Variants in ZBTB7A observed in about 807,000 individuals in gnomAD.
ZBTB7A encodes zinc finger and BTB domain-containing protein 7A.
ZBTB7A carries 7 observed loss-of-function variants against 26.7 expected under a neutral mutation model. The observed-to-expected ratio is 0.26, with a 90% CI of 0.15 to 0.49. The LOEUF (loss-of-function observed/expected upper bound fraction) is 0.49. ZBTB7A is among the 20% of genes least tolerant of loss of function. The pLI is 0.98. For synonymous variants in ZBTB7A, 452 were observed against 441.0 expected, an observed-to-expected ratio of 1.02 and a Z score of -0.31; for missense variants, 617 against 919.5, an observed-to-expected ratio of 0.67 and a Z score of 4.25.
At chr19:4,062,143 TTC>T (rs2040643991) in intron 1 of ZBTB7A, 1 of 152,244 alleles carries the variant, frequency 6.6e-6, no homozygotes, top group Non-Finnish European at 1.5e-5. Context: ...GGCCAGATCC[TTC>T]TCTCAGGCAT....
Position 4,048,124 on chromosome 19 carries a change from C to G in ZBTB7A, c.1383G>C (p.Thr461=). ...YDLKNHMRVH[T]GLRPYQCDSC... ...TGTCGCACTGGTAGGGGCGCAGGCC[C>G]GTGTGCACGCGCATGTGGTTCTTCA... The change falls in exon 3 of 3, where the codon ACG becomes ACC. Residue 461 remains threonine, a synonymous_variant. Transcript: ENST00000322357. This position sits in a 1 kb window ranked among gnomAD's most constrained non-coding sequence, Gnocchi z 6.7. 1.2e-6 allele frequency: 2 copies of G among 1,610,148 alleles called. No individual in the cohort carries two copies. Among genetic ancestry groups the G allele is most frequent in the Middle Eastern group, 1.7e-4 (1 of 6,060 alleles).
chr19:4,054,943 A>T lies in ZBTB7A; in HGVS notation c.290T>A (p.Leu97His). ...ALMDFAYTAT[L>H]TVSTANVGDI... ...ACCCACGTTGGCTGTGCTGACGGTGAGCGTGGCCGTGTAGGCGAAGTCCAT... is the reference window on the plus strand; with the variant it reads ...ACCCACGTTGGCTGTGCTGACGGTGTGCGTGGCCGTGTAGGCGAAGTCCAT... Residue 97 changes from leucine to histidine, a missense_variant, in exon 2 of 3, where the codon CTC (leucine) becomes CAC (histidine). By Grantham distance (99) the Leu-to-His change is moderately conservative (BLOSUM62 -3). Around this residue, in one of 5 missense-constraint regions of ZBTB7A, gnomAD observed 82 missense variants for 195.2 expected, o/e 0.42. Transcript: ENST00000322357. 1 of 1,611,762 alleles carries T rather than the reference A, an allele frequency of 6.2e-7. No homozygotes were observed.
chr19:4,063,787 C>A (rs541296127), intron 1 of ZBTB7A, among the ~76,000 whole-genome samples: 1 of 152,176 alleles, frequency 6.6e-6, no homozygotes, highest in African/African-American at 2.4e-5. Flanking sequence ...TCTGACCCCA[C>A]CTGAGTGACC....
chr19:4,058,633 A>G (rs1203371074), intron 1 of ZBTB7A, among the ~76,000 whole-genome samples: 14 of 137,986 alleles, frequency 1.0e-4, no homozygotes, highest in Non-Finnish European at 2.2e-4. Context: ...GCCCCTGGGG[A>G]GAGGGCCTGA....
intron 1 of ZBTB7A, chr19:4,061,471 G>C (rs2040637162): frequency 6.6e-6 from 1 of 152,228 alleles, no homozygotes; most frequent in South Asian, 2.1e-4. Context: ...TCCTCGGCCT[G>C]GGTTTAATGG....
chr19:4,047,701 C>T lies in ZBTB7A; in HGVS notation c.*51G>A, dbSNP rs982660097. ...GGGGGGGTGGTGGGTGATTTTTTTT[C>T]TCTCTCTCTGTCTCTCTCTTTCTCG... On this transcript the variant is annotated 3_prime_UTR_variant, in exon 3 of 3. Transcript: ENST00000322357. 2.2e-4 allele frequency: 330 copies of T among 1,477,258 alleles called. No homozygotes were observed. The highest frequency in any genetic ancestry group is 8.8e-4 in the Admixed American group (35 of 39,730). The allele number at this position is 1,477,258 out of a possible 1,614,324, so 91.5% of individuals were successfully genotyped here. A position where few individuals can be genotyped will look rare whatever the true frequency, so the allele number is the denominator to read the frequency against.
Position 4,045,941 on chromosome 19 carries a change from G to A in ZBTB7A, c.*1811C>T. The stretch of plus-strand genomic sequence containing the variant: ...CGGTGGTTCTAAGGCCCTGGAGGTG[G>A]GGGGCCCCTGTCACCCACCTCAGCA... On this transcript the variant is annotated 3_prime_UTR_variant, in exon 3 of 3. Transcript: ENST00000322357. This position sits in a 1 kb window ranked among gnomAD's most constrained non-coding sequence, Gnocchi z 4.1. The A allele has an allele frequency of 2.5e-6, 1 of 398,738 alleles. No individual in the cohort carries two copies. The highest frequency in any genetic ancestry group is 4.4e-6 in the Non-Finnish European group (1 of 226,054). 24.7% of individuals were successfully genotyped at this position (398,738 alleles called of 1,614,324 possible).
Position 4,045,221 on chromosome 19 carries a change from T to C in ZBTB7A, c.*2531A>G, listed in dbSNP as rs2040399911. 1 of 152,078 alleles carries C rather than the reference T, an allele frequency of 6.6e-6. No homozygotes were observed. The highest frequency in any genetic ancestry group is 1.5e-5 in the Non-Finnish European group (1 of 68,026). 9.4% of individuals were successfully genotyped at this position (152,078 alleles called of 1,614,324 possible). A position where few individuals can be genotyped will look rare whatever the true frequency, so the allele number is the denominator to read the frequency against. Reference sequence around the variant, plus strand: ...CCACTGGCTAGGACGACAGCTGTGATTTTAGAGTTGGTTTTATTGCGAGGG... The same window carrying C: ...CCACTGGCTAGGACGACAGCTGTGACTTTAGAGTTGGTTTTATTGCGAGGG... On this transcript the variant is annotated 3_prime_UTR_variant, in exon 3 of 3. Coordinates refer to ENST00000322357, the MANE Select transcript of ZBTB7A (RefSeq NM_015898.4). The surrounding 1 kb of genome is among the most constrained non-coding windows in gnomAD (Gnocchi z 4.1).
At chr19:4,055,684 G>A (rs531924678) in intron 1 of ZBTB7A, among the ~76,000 whole-genome samples, 3 of 152,272 alleles carry the variant, frequency 2.0e-5, no homozygotes, top group East Asian at 1.9e-4. Flanking sequence ...TTAGCCGGGC[G>A]TGTTGGCGGG....
In ZBTB7A at chr19:4,054,207, C is replaced by T. The variant is rs1204463349; in HGVS notation, c.1026G>A (p.Arg342=). 1.3e-6 allele frequency: 2 copies of T among 1,588,780 alleles called. No individual in the cohort carries two copies. Among genetic ancestry groups the T allele is most frequent in the African/African-American group, 1.3e-5 (1 of 74,734 alleles). ...AGTCCATGACGCCCTTGTCGTCGGC[C>T]CGCGACTCCTCGTCGCTGTCCCCCG... is the stretch of plus-strand genomic sequence containing the variant. ...AAAGDSDEES[R]ADDKGVMDYY... The change falls in exon 2 of 3, where the codon CGG becomes CGA. Residue 342 remains arginine (R), a synonymous_variant. Coordinates refer to ENST00000322357, the MANE Select transcript of ZBTB7A (RefSeq NM_015898.4).
Position 4,043,849 on chromosome 19 carries a change from C to T in ZBTB7A, c.*3903G>A, listed in dbSNP as rs1046137529. Among the ~76,000 whole-genome samples, 6 of 144,428 alleles carry T rather than the reference C, an allele frequency of 4.2e-5. No individual in the cohort carries two copies. Among genetic ancestry groups the T allele is most frequent in the Non-Finnish European group, 7.8e-5 (5 of 64,146 alleles). 94.8% of individuals were successfully genotyped at this position (144,428 alleles called of 152,430 possible). ...TCCTGCGCCAGCCACCCACCACCCC[C>T]CCCCCCCCACCTCCAGGAAGGCTGC... On this transcript the variant is annotated 3_prime_UTR_variant, in exon 3 of 3. Transcript: ENST00000322357.
rs1297222227 is a variant in ZBTB7A, at chr19:4,043,468, T to A, written c.*4284A>T. On this transcript the variant is annotated 3_prime_UTR_variant, in exon 3 of 3. Coordinates refer to ENST00000322357, the MANE Select transcript of ZBTB7A (RefSeq NM_015898.4). Reference sequence around the variant, plus strand: ...CATTTTTATCAGTTTTTTTTTTTTTTAAATCTCCCACACTTTATAAAGACT... The same window carrying A: ...CATTTTTATCAGTTTTTTTTTTTTTAAAATCTCCCACACTTTATAAAGACT... Among the ~76,000 whole-genome samples, 4 of 151,384 alleles carry A rather than the reference T, an allele frequency of 2.6e-5. No individual in the cohort carries two copies. Among genetic ancestry groups the A allele is most frequent in the South Asian group, 2.1e-4 (1 of 4,790 alleles).
rs2040390288 is a variant in ZBTB7A at position 4,044,621 on chromosome 19, TCCA to T, written c.*3128_*3130del. On this transcript the variant is annotated 3_prime_UTR_variant, in exon 3 of 3. Coordinates refer to ENST00000322357, the MANE Select transcript of ZBTB7A (RefSeq NM_015898.4). ...TCTCTTGCACACACGCACACACGCG[TCCA>T]CGCAACTTCACCATGAGAATGGAAA... The T allele has an allele frequency of 6.9e-6, 1 of 144,870 alleles. No homozygotes were observed. The highest frequency in any genetic ancestry group is 2.2e-4 in the South Asian group (1 of 4,512). The allele number at this position is 144,870 out of a possible 1,614,324, so 9.0% of individuals were successfully genotyped here.
Position 4,044,343 on chromosome 19 carries a change from G to A in ZBTB7A, c.*3409C>T, listed in dbSNP as rs1197983292. The A allele has an allele frequency of 3.4e-5, 5 of 147,826 alleles. No homozygotes were observed. The highest frequency in any genetic ancestry group is 1.3e-4 in the Admixed American group (2 of 15,022). 9.2% of individuals were successfully genotyped at this position (147,826 alleles called of 1,614,324 possible). A position where few individuals can be genotyped will look rare whatever the true frequency, so the allele number is the denominator to read the frequency against. ...CTGCTCCGGCATTTTACATTCACTG[G>A]TTTATAATTTTTTTTTTTCATTTTT... On this transcript the variant is annotated 3_prime_UTR_variant, in exon 3 of 3. Coordinates refer to ENST00000322357, the MANE Select transcript of ZBTB7A (RefSeq NM_015898.4).
intron 2 of ZBTB7A, 136 bp downstream of exon 2, chr19:4,053,833 GTC>G: frequency 1.0e-6 from 1 of 977,406 alleles, no homozygotes; most frequent in Non-Finnish European, 1.5e-6. Context: ...GCGTGTACGT[GTC>G]TGTGTGCACG....
rs1199792377 is a variant in ZBTB7A, at chr19:4,054,482, C to A, written c.751G>T (p.Ala251Ser). The A allele has an allele frequency of 1.4e-6, 2 of 1,381,756 alleles. No homozygotes were observed. The highest frequency in any genetic ancestry group is 1.9e-6 in the Non-Finnish European group (2 of 1,077,180). The allele number at this position is 1,381,756 out of a possible 1,614,324, so 85.6% of individuals were successfully genotyped here. A position where few individuals can be genotyped will look rare whatever the true frequency, so the allele number is the denominator to read the frequency against. ...PGLWPERDEDAPTGGLFPPPV... is the reference protein window; with the variant it reads ...PGLWPERDEDSPTGGLFPPPV... ...GGCGGAAAGAGACCCCCGGTGGGGG[C>A]GTCCTCATCCCGCTCTGGCCACAGA... Residue 251 changes from alanine to serine, a missense_variant, in exon 2 of 3, where the codon GCC (alanine) becomes TCC (serine). Transcript: ENST00000322357.
In ZBTB7A at chr19:4,048,011, C is replaced by A; in HGVS notation, c.1496G>T (p.Arg499Leu). 1.4e-6 allele frequency: 2 copies of A among 1,424,432 alleles called. No homozygotes were observed. The highest frequency in any genetic ancestry group is 1.9e-6 in the Non-Finnish European group (2 of 1,080,726). The allele number at this position is 1,424,432 out of a possible 1,614,324, so 88.2% of individuals were successfully genotyped here. Residue 499 changes from arginine (R) to leucine (L), a missense_variant, in exon 3 of 3, where the codon CGC becomes CTC. Coordinates refer to ENST00000322357, the MANE Select transcript of ZBTB7A (RefSeq NM_015898.4). The surrounding 1 kb of genome is among the most constrained non-coding windows in gnomAD (Gnocchi z 6.7). ...CGCCCCGCCCCGGACGCGGGGCTTG[C>A]GGCCGCGGCGCGAGGGGACGCCGTT... ...GCNGVPSRRG[R>L]KPRVRGGAPD...
chr19:4,053,914 G>C (rs2040536764), intron 2 of ZBTB7A, 57 bp downstream of exon 2: 4 of 1,528,646 alleles, frequency 2.6e-6, no homozygotes, highest in East Asian at 4.5e-5. Flanking sequence ...GGGGTCGTGA[G>C]CGGCGGATGC....
intron 1 of ZBTB7A, among the ~76,000 whole-genome samples, chr19:4,065,239 C>T (rs2040681484): frequency 6.6e-6 from 1 of 151,012 alleles, no homozygotes; most frequent in African/African-American, 2.4e-5. Context: ...GTGCTCTCTC[C>T]GCCCCCTCCC....
Sources: gnomAD v4.1 joint callset for allele counts (sites outside exome capture counted in the v4.1 genomes callset) on GRCh38, gnomAD v4.1.1 for gene constraint, gnomAD v4.1.1 regional missense constraint, Gnocchi (gnomAD v3.1) non-coding constraint, MANE v1.5 for transcripts, NCBI Gene and HGNC (gene_info 2026-07-23, HGNC 2026-07-21) for gene names.